The following TNRC6B variants were observed in gnomAD, a reference collection of about 807,000 sequenced individuals.
TNRC6B encodes the protein trinucleotide repeat-containing gene 6B protein.
In TNRC6B, 52 loss-of-function variants were observed where a neutral mutation model predicts 203.6. The observed-to-expected ratio is 0.26, with a 90% CI of 0.20 to 0.32. The LOEUF is 0.32. TNRC6B is among the 10% of genes least tolerant of loss of function. The pLI is 1.00. For synonymous variants in TNRC6B, 838 were observed against 845.7 expected, an observed-to-expected ratio of 0.99 and a Z score of 0.16; for missense variants, 1,923 against 2,286.2, an observed-to-expected ratio of 0.84 and a Z score of 3.24.
At position 40,063,064 on chromosome 22, in the gene TNRC6B, A is replaced by G. The variant is rs1601792662; in HGVS notation, c.-121+18066A>G. Among the ~76,000 whole-genome samples, 3 of 152,224 alleles carry G rather than the reference A, an allele frequency of 2.0e-5. No individual in the cohort carries two copies. The East Asian group carries it at 5.8e-4, about 29-fold the overall frequency. On this transcript the variant is annotated intron_variant, in intron 1 of 23. Transcript: ENST00000301923. ...AGATTGTTATAGTTTTAACTCTTAC[A>G]TTTACATCTCTGATCTATTTTGAGT...
At chr22:40,174,434 G>A (rs550391103), upstream of TNRC6B, among the ~76,000 whole-genome samples, 3 of 152,212 alleles carry the variant, frequency 2.0e-5, no homozygotes, top group East Asian at 3.9e-4. Flanking sequence ...ACCCACCTCG[G>A]CGTCCCAAAG....
chr22:40,200,169 A>G (rs1212830444), intron 1 of TNRC6B, among the ~76,000 whole-genome samples: 2 of 151,508 alleles, frequency 1.3e-5, no homozygotes, highest in Non-Finnish European at 2.9e-5. Context: ...TCAAGTTGAC[A>G]ACTTCCCCTC....
chr22:40,093,292 G>C (rs1024250642), intron 1 of TNRC6B, among the ~76,000 whole-genome samples: 1 of 152,144 alleles, frequency 6.6e-6, no homozygotes, highest in Admixed American at 6.6e-5. Flanking sequence ...TAGAGACAGA[G>C]AAAATGTTAA....
intron 1 of TNRC6B, among the ~76,000 whole-genome samples, chr22:40,200,576 C>A (rs2069399421): frequency 6.6e-6 from 1 of 151,978 alleles, no homozygotes; most frequent in Non-Finnish European, 1.5e-5. Flanking sequence ...GCGTGAGCCA[C>A]CGCGCCCGGC....
chr22:40,072,099 A>T (rs2067954390), intron 1 of TNRC6B, among the ~76,000 whole-genome samples: 1 of 152,202 alleles, frequency 6.6e-6, no homozygotes, highest in African/African-American at 2.4e-5. Flanking sequence ...TCAAGCGATC[A>T]TCCAACCTCT....
chr22:40,237,828 C>T (rs1289308324), intron 1 of TNRC6B, among the ~76,000 whole-genome samples: 1 of 129,664 alleles, frequency 7.7e-6, no homozygotes, highest in Non-Finnish European at 1.8e-5. Context: ...CTTAGACACT[C>T]TGGCCCCTTT....
intron 1 of TNRC6B, among the ~76,000 whole-genome samples, chr22:40,185,216 CTT>C (rs560689598): frequency 1.2e-4 from 18 of 152,244 alleles, no homozygotes; most frequent in Non-Finnish European, 2.6e-4. Context: ...GTCTTGTTCT[CTT>C]TACCTTGTGA....
chr22:40,061,110 G>A (rs1208525697), intron 1 of TNRC6B, among the ~76,000 whole-genome samples: 4 of 152,154 alleles, frequency 2.6e-5, no homozygotes, highest in African/African-American at 9.7e-5. Context: ...TTGTATAACT[G>A]AATCCTTTAA....
chr22:40,269,508 T>G (rs1273190099), intron 5 of TNRC6B, among the ~76,000 whole-genome samples: 5 of 152,168 alleles, frequency 3.3e-5, no homozygotes, highest in Non-Finnish European at 7.4e-5. Flanking sequence ...TTAGGTTGTT[T>G]CCAAATTTTT....
chr22:40,247,489 A>G (rs1036275372), intron 2 of TNRC6B, among the ~76,000 whole-genome samples: 8 of 152,226 alleles, frequency 5.3e-5, no homozygotes, highest in African/African-American at 1.9e-4. Flanking sequence ...AATTCTGAAA[A>G]TAGTTTCTGA....
At chr22:40,292,256 G>A (rs1315901580) in intron 12 of TNRC6B, among the ~76,000 whole-genome samples, 1 of 151,992 alleles carries the variant, frequency 6.6e-6, no homozygotes, top group African/African-American at 2.4e-5. Context: ...AGGAGGCTGA[G>A]GCAGGAGAAT....
intron 3 of TNRC6B, among the ~76,000 whole-genome samples, chr22:40,260,975 T>A (rs1005923228): frequency 3.9e-5 from 6 of 152,200 alleles, no homozygotes; most frequent in Non-Finnish European, 8.8e-5. Context: ...ATGTAAGCTT[T>A]CTTACAAATA....
At chr22:40,322,253 A>C (rs757372559) in intron 22 of TNRC6B, among the ~76,000 whole-genome samples, 1 of 152,308 alleles carries the variant, frequency 6.6e-6, no homozygotes, top group African/African-American at 2.4e-5. Context: ...CGAGAGGAAG[A>C]TACAAAGATT....
chr22:40,164,760 CAAAA>C (rs550507661), intron 4 of TNRC6B, among the ~76,000 whole-genome samples: 2 of 90,354 alleles, frequency 2.2e-5, no homozygotes, highest in East Asian at 3.9e-4. Flanking sequence ...AATTCTGTCT[CAAAA>C]AAAAAAAAAA....
At chr22:40,184,598 G>A (rs559109975) in intron 1 of TNRC6B, among the ~76,000 whole-genome samples, 1 of 152,202 alleles carries the variant, frequency 6.6e-6, no homozygotes, top group Non-Finnish European at 1.5e-5. Flanking sequence ...CGATTCTGGT[G>A]TGTTGTGGAA....
rs570449820 is a variant in TNRC6B, at chr22:40,268,907, C to T, written c.2807-1215C>T. Among the ~76,000 whole-genome samples, 635 of 150,300 alleles carry T rather than the reference C, an allele frequency of 4.2e-3. 4 individuals carry two copies. Among genetic ancestry groups the T allele is most frequent in the African/African-American group, 0.014 (591 of 40,912 alleles). ...CAGCCTGGGCGACAGAGCAAGACTC[C>T]GTCTCAAAAAATAATAATAATAATA... On this transcript the variant is annotated intron_variant, in intron 5 of 22. Coordinates refer to ENST00000454349, the MANE Select transcript of TNRC6B (RefSeq NM_001162501.2).
At chr22:40,322,319 C>T (rs564532963) in intron 22 of TNRC6B, among the ~76,000 whole-genome samples, 1 of 152,336 alleles carries the variant, frequency 6.6e-6, no homozygotes, top group East Asian at 1.9e-4. Flanking sequence ...TCAACATCCT[C>T]CACCAGAGTG....
intron 12 of TNRC6B, among the ~76,000 whole-genome samples, chr22:40,298,733 G>A (rs1038803647): frequency 2.0e-5 from 3 of 152,106 alleles, no homozygotes; most frequent in Admixed American, 6.5e-5. Context: ...TTGGGAGGCC[G>A]AGGCGGGCGG....
chr22:40,071,373 C>T (rs1308519197), intron 1 of TNRC6B, among the ~76,000 whole-genome samples: 1 of 152,206 alleles, frequency 6.6e-6, no homozygotes, highest in Non-Finnish European at 1.5e-5. Context: ...TTAAAATGTA[C>T]AGTACCTCAT....
Sources: allele counts gnomAD v4.1 joint callset (sites outside exome capture counted in the v4.1 genomes callset), GRCh38; gene constraint gnomAD v4.1.1; transcripts MANE v1.5; gene names NCBI Gene and HGNC (gene_info 2026-07-23, HGNC 2026-07-21).